Variants in TCHP observed in about 807,000 individuals in gnomAD.
TCHP encodes trichoplein keratin filament-binding protein.
Under a neutral mutation model 88.7 loss-of-function variants are expected in TCHP, and 81 were observed. That is an observed-to-expected ratio of 0.91 (90% CI 0.76 to 1.10). TCHP has a LOEUF of 1.10. Ranked by LOEUF, TCHP falls within the 50% of genes least tolerant of loss-of-function variation. The pLI is 0.00. For missense variants in TCHP, 641 were observed against 632.1 expected (o/e 1.01, Z -0.15); for synonymous variants, 232 against 232.5 (o/e 1.00, Z 0.02).
chr12:109,895,716 G>A (rs1021910726), upstream of TCHP, among the ~76,000 whole-genome samples: 3 of 151,988 alleles, frequency 2.0e-5, no homozygotes, highest in African/African-American at 4.8e-5. Context: ...GGCATTGTGC[G>A]GCTTCCAGTA....
At chr12:109,902,878 G>A (rs974148656) in intron 1 of TCHP, 149 bp from the exon 2 acceptor site, 5 of 566,296 alleles carry the variant, frequency 8.8e-6, no homozygotes, top group Non-Finnish European at 1.5e-5. Context: ...CTCAGACACG[G>A]TTTTGTTTGT....
intron 10 of TCHP, among the ~76,000 whole-genome samples, chr12:109,913,693 T>A (rs1047619977): frequency 6.6e-6 from 1 of 151,804 alleles, no homozygotes; most frequent in African/African-American, 2.4e-5. Context: ...GAAGAGAGAG[T>A]GTTACCCATG....
chr12:109,915,932 C>T (rs1291781535), intron 12 of TCHP, among the ~76,000 whole-genome samples: 2 of 152,136 alleles, frequency 1.3e-5, no homozygotes, highest in Non-Finnish European at 2.9e-5. Context: ...TCCTCCTCAC[C>T]TCCCCTCCCT....
At chr12:109,892,595 C>G in the TCHP span, among the ~76,000 whole-genome samples, 4 of 152,140 alleles carry the variant, frequency 2.6e-5, no homozygotes, top group Non-Finnish European at 5.9e-5. Context: ...GTCTGTCATC[C>G]AGGAATGGCC....
chr12:109,917,011 T>TAGGA lies in TCHP; in HGVS notation c.*388_*389insAGGA, dbSNP rs1296605855. ...ACCTCCAGTGTTGACTCTAGAAATA[T>TAGGA]GAGGAAAGCTTTTCAGTTTTTAAAA... On this transcript the variant is annotated 3_prime_UTR_variant, in exon 13 of 13. Coordinates refer to ENST00000405876, the MANE Select transcript of TCHP (RefSeq NM_001143852.2). The TAGGA allele has an allele frequency of 5.5e-6, 1 of 181,012 alleles. No homozygotes were observed. The highest frequency in any genetic ancestry group is 1.1e-5 in the Non-Finnish European group (1 of 87,696). 11.2% of individuals were successfully genotyped at this position (181,012 alleles called of 1,614,324 possible). A position where few individuals can be genotyped will look rare whatever the true frequency, so the allele number is the denominator to read the frequency against.
At chr12:109,884,255 C>G in the TCHP span, among the ~76,000 whole-genome samples, 1 of 151,956 alleles carries the variant, frequency 6.6e-6, no homozygotes, top group African/African-American at 2.4e-5. Flanking sequence ...GTGGTGCAAT[C>G]TCAGCTCACT....
At chr12:109,893,556 G>C in the TCHP span, among the ~76,000 whole-genome samples, 1 of 152,206 alleles carries the variant, frequency 6.6e-6, no homozygotes, top group African/African-American at 2.4e-5. Flanking sequence ...ATGCCAAAGT[G>C]TCCCATGACC....
At chr12:109,912,538 C>T (rs1339118030) in intron 9 of TCHP, among the ~76,000 whole-genome samples, 1 of 152,152 alleles carries the variant, frequency 6.6e-6, no homozygotes. Context: ...CGCTTGTAAT[C>T]CCAGCACTTT....
Position 109,908,911 on chromosome 12 carries a change from C to G in TCHP, c.853C>G (p.Arg285Gly). 1 of 1,614,206 alleles carries G rather than the reference C, an allele frequency of 6.2e-7. No homozygotes were observed. Among genetic ancestry groups the G allele is most frequent in the Non-Finnish European group, 8.5e-7 (1 of 1,180,042 alleles). Reference sequence around the variant, plus strand: ...TCAGTATAACGCTCAACTCAGCAGACGCACACAGCAGATCCAAGAGGAGCT... The same window carrying G: ...TCAGTATAACGCTCAACTCAGCAGAGGCACACAGCAGATCCAAGAGGAGCT... ...RHQYNAQLSRRTQQIQEELEA... is the reference protein window; with the variant it reads ...RHQYNAQLSRGTQQIQEELEA... The change falls in exon 8 of 13, where the codon CGC becomes GGC. Residue 285 changes from arginine to glycine, a missense_variant. Coordinates refer to ENST00000405876, the MANE Select transcript of TCHP (RefSeq NM_001143852.2).
intron 9 of TCHP, 97 bp from the exon 10 acceptor site, chr12:109,912,894 T>G (rs1870584813): frequency 1.1e-6 from 1 of 927,742 alleles, no homozygotes; most frequent in East Asian, 2.5e-5. Flanking sequence ...AGTGTGGTCC[T>G]GCAGAAGCCA....
the TCHP span, among the ~76,000 whole-genome samples, chr12:109,891,423 A>C: frequency 2.1e-5 from 3 of 144,700 alleles, no homozygotes; most frequent in African/African-American, 2.6e-5. Flanking sequence ...AGTCTCACTC[A>C]CTCTGTCGCT....
At position 109,904,623 on chromosome 12, in the gene TCHP, G is replaced by A. The variant is rs764109457; in HGVS notation, c.400-114G>A. The A allele has an allele frequency of 8.5e-5, 70 of 826,732 alleles. No homozygotes were observed. In the South Asian group the frequency reaches 1.1e-3, roughly 13 times the overall value. 51.2% of individuals were successfully genotyped at this position (826,732 alleles called of 1,614,324 possible). A position where few individuals can be genotyped will look rare whatever the true frequency, so the allele number is the denominator to read the frequency against. On this transcript the variant is annotated intron_variant, in intron 3 of 12. Coordinates refer to ENST00000405876, the MANE Select transcript of TCHP (RefSeq NM_001143852.2). ...TGAGGGTTTGAACAGTGGTTGCAGT[G>A]ACGGTGTGAAGGGAGGCACTCATAG... is the stretch of plus-strand genomic sequence containing the variant.
At position 109,908,718 on chromosome 12, in the gene TCHP, C is replaced by G. The variant is rs1013480604; in HGVS notation, c.812+20C>G. The G allele has an allele frequency of 2.5e-6, 4 of 1,577,242 alleles. No individual in the cohort carries two copies. The highest frequency in any genetic ancestry group is 3.5e-6 in the Non-Finnish European group (4 of 1,159,006). On this transcript the variant is annotated intron_variant, in intron 7 of 12. Transcript: ENST00000405876. ...GCTGGGGTGTGTGTCAGAAGGGCCC[C>G]CCACTCTTCCCAGGCGGGTGGGCCT...
chr12:109,900,687 G>T (rs1022105578), intron 1 of TCHP: 1 of 152,264 alleles, frequency 6.6e-6, no homozygotes, highest in Non-Finnish European at 1.5e-5. Flanking sequence ...TTAACTCTTG[G>T]TGCAAAGACT....
chr12:109,894,251 G>C, the TCHP span, among the ~76,000 whole-genome samples: 1 of 148,986 alleles, frequency 6.7e-6, no homozygotes, highest in Non-Finnish European at 1.5e-5. Context: ...GAGATCAGGA[G>C]TTCAAGACCA....
At chr12:109,896,927 T>G (rs886223733), upstream of TCHP, among the ~76,000 whole-genome samples, 5 of 151,776 alleles carry the variant, frequency 3.3e-5, no homozygotes, top group African/African-American at 9.7e-5. Context: ...CAAATATATA[T>G]ATAGATAGAT....
At chr12:109,896,192 C>T (rs1279918173), upstream of TCHP, among the ~76,000 whole-genome samples, 1 of 152,212 alleles carries the variant, frequency 6.6e-6, no homozygotes, top group Non-Finnish European at 1.5e-5. Context: ...AGTGATCCAT[C>T]CGCCTTGGCC....
chr12:109,897,955 G>A (rs1337325392), upstream of TCHP, among the ~76,000 whole-genome samples: 1 of 152,184 alleles, frequency 6.6e-6, no homozygotes, highest in Non-Finnish European at 1.5e-5. Context: ...GTGGGCTGCT[G>A]CCACCCCTCT....
chr12:109,896,069 C>T (rs527783389), upstream of TCHP, among the ~76,000 whole-genome samples: 23 of 152,284 alleles, frequency 1.5e-4, 1 homozygote, highest in South Asian at 4.8e-3. Context: ...GCTTCAGTCT[C>T]CTGAGTAGCT....
Sources: allele counts gnomAD v4.1 joint callset (sites outside exome capture counted in the v4.1 genomes callset), GRCh38; gene constraint gnomAD v4.1.1; transcripts MANE v1.5; gene names NCBI Gene and HGNC (gene_info 2026-07-23, HGNC 2026-07-21).